Variants in KCTD19 observed in about 807,000 individuals in gnomAD.
The protein encoded by KCTD19 is BTB/POZ domain-containing protein KCTD19.
KCTD19 carries 67 observed loss-of-function variants against 103.5 expected under a neutral mutation model. That is an observed-to-expected ratio of 0.65 (90% CI 0.53 to 0.79). The LOEUF is 0.79. KCTD19 is among the 30% of genes least tolerant of loss of function. The probability of loss-of-function intolerance (pLI) is 0.00; values close to 1 mark genes in which losing one functional copy is unlikely to be tolerated. For synonymous variants in KCTD19, 439 were observed against 452.2 expected (o/e 0.97, Z 0.37); for missense variants, 980 against 1,136.1 (o/e 0.86, Z 1.98).
chr16:67,299,632 G>T, intron 5 of KCTD19, 59 bp from the exon 6 acceptor site: 1 of 1,473,186 alleles, frequency 6.8e-7, no homozygotes, highest in Non-Finnish European at 9.3e-7. Flanking sequence ...TGGATTGGAG[G>T]CTTTGGGGCT....
At chr16:67,321,109 T>C (rs757778574) in intron 1 of KCTD19, among the ~76,000 whole-genome samples, 43 of 152,176 alleles carry the variant, frequency 2.8e-4, no homozygotes, top group Admixed American at 1.4e-3. Context: ...GAAGGTGGCT[T>C]GAGACCAGGA....
Position 67,320,764 on chromosome 16 carries a change from T to G in KCTD19, c.125A>C (p.Glu42Ala). ...SQFPDSLLWK[E>A]ASALTSSESQ... ...TTCTGAAGAGGTCAAGGCTGAAGCC[T>G]CTTTCCACAGCAGGGAGTCTGGAAA... The change falls in exon 2 of 16, where the codon GAG becomes GCG. Residue 42 changes from glutamate to alanine, a missense_variant. By Grantham distance (107) the Glu-to-Ala change is moderately radical. Coordinates refer to ENST00000304372, the MANE Select transcript of KCTD19 (RefSeq NM_001100915.3). The surrounding 1 kb of genome is among the most constrained non-coding windows in gnomAD (Gnocchi z 4.0). 1 of 1,614,192 alleles carries G rather than the reference T, an allele frequency of 6.2e-7. No individual in the cohort carries two copies. The highest frequency in any genetic ancestry group is 8.5e-7 in the Non-Finnish European group (1 of 1,180,026).
chr16:67,309,058 G>C (rs1332761988), intron 2 of KCTD19, among the ~76,000 whole-genome samples: 1 of 150,908 alleles, frequency 6.6e-6, no homozygotes, highest in Non-Finnish European at 1.5e-5. Flanking sequence ...GAACCCAGGA[G>C]GCAGAGGTTT....
intron 2 of KCTD19, among the ~76,000 whole-genome samples, chr16:67,308,125 T>TCCTC (rs1327212324): frequency 1.3e-5 from 2 of 151,414 alleles, no homozygotes; most frequent in Non-Finnish European, 1.5e-5. Flanking sequence ...CTTCCTTCCT[T>TCCTC]CCTCCCTCCC....
At chr16:67,316,904 C>A (rs2037018992) in intron 2 of KCTD19, among the ~76,000 whole-genome samples, 1 of 152,130 alleles carries the variant, frequency 6.6e-6, no homozygotes, top group Non-Finnish European at 1.5e-5. Context: ...CAGCGTGAGC[C>A]TGGGTGCCTG....
At chr16:67,301,715 G>A in intron 5 of KCTD19, 76 bp downstream of exon 5, 1 of 1,387,486 alleles carries the variant, frequency 7.2e-7, no homozygotes, top group Non-Finnish European at 1.0e-6. Context: ...GTGATTGTGG[G>A]AGGGAAGATT....
rs1362288152 is a variant in KCTD19, at chr16:67,299,271, C to T, written c.986+92G>A. 1.7e-5 allele frequency: 20 copies of T among 1,197,744 alleles called. No individual in the cohort carries two copies. The Admixed American group carries it at 1.9e-4, about 12-fold the overall frequency. 74.2% of individuals were successfully genotyped at this position (1,197,744 alleles called of 1,614,324 possible). The stretch of plus-strand genomic sequence containing the variant: ...GGCTGGCCCCAAGGACACACTTCAC[C>T]TCTGGCTAGTGGGAAAGGCCCCAGG... On this transcript the variant is annotated intron_variant, in intron 6 of 15. Transcript: ENST00000304372.
In KCTD19 at chr16:67,293,865, G is replaced by T; in HGVS notation, c.1897C>A (p.Gln633Lys). 1.9e-6 allele frequency: 3 copies of T among 1,613,994 alleles called. No homozygotes were observed. Among genetic ancestry groups the T allele is most frequent in the Non-Finnish European group, 2.5e-6 (3 of 1,180,030 alleles). ...TCTCTCACCAGGGAGATGAGTTTTT[G>T]CATGGGAGTGGCGGGAGGGTCTTTG... ...ETKDPPATPM[Q>K]KLISLVREWD... Residue 633 changes from glutamine to lysine, a missense_variant, in exon 12 of 16, where the codon CAA becomes AAA. Transcript: ENST00000304372. This position sits in a 1 kb window ranked among gnomAD's most constrained non-coding sequence, Gnocchi z 4.0.
chr16:67,292,991 T>G (rs1047491293), intron 12 of KCTD19, among the ~76,000 whole-genome samples: 3 of 152,132 alleles, frequency 2.0e-5, no homozygotes, highest in Non-Finnish European at 2.9e-5. Context: ...GAACTCCAAG[T>G]GGCTTCGAAT....
intron 2 of KCTD19, among the ~76,000 whole-genome samples, chr16:67,307,578 A>T (rs140414562): frequency 0.015 from 2,356 of 152,150 alleles, 67 homozygotes; most frequent in African/African-American, 0.054. Context: ...AGCCTCCCAA[A>T]GTACTGGGAT....
rs73592849 is a variant in KCTD19, at chr16:67,297,719, C to G, written c.987-56G>C. On this transcript the variant is annotated intron_variant, in intron 6 of 15. Coordinates refer to ENST00000304372, the MANE Select transcript of KCTD19 (RefSeq NM_001100915.3). ...CATCAGCATTGTACCCCAAGAGAGT[C>G]GAGCCTGTAAACTTTCCATGCCTAG... 1.3e-5 allele frequency: 20 copies of G among 1,553,990 alleles called. No individual in the cohort carries two copies. The East Asian group carries it at 1.4e-4, about 11-fold the overall frequency.
At position 67,303,108 on chromosome 16, in the gene KCTD19, C is replaced by CGGGGGGGGGGGGGGG; in HGVS notation, c.643+37_643+38insCCCCCCCCCCCCCCC. ...ATGGGGAGGGGTGAATGGGCCCTATCAGCCCGCCCCCCACCCCACCCCGGA... is the reference window on the plus strand; with the variant it reads ...ATGGGGAGGGGTGAATGGGCCCTATCGGGGGGGGGGGGGGGAGCCCGCCCCCCACCCCACCCCGGA... On this transcript the variant is annotated intron_variant, in intron 4 of 15. Coordinates refer to ENST00000304372, the MANE Select transcript of KCTD19 (RefSeq NM_001100915.3). The surrounding 1 kb of genome is among the most constrained non-coding windows in gnomAD (Gnocchi z 4.3). 1.3e-6 allele frequency: 1 copy of CGGGGGGGGGGGGGGG among 798,078 alleles called. No individual in the cohort carries two copies. The allele number at this position is 798,078 out of a possible 1,614,324, so 49.4% of individuals were successfully genotyped here. A position where few individuals can be genotyped will look rare whatever the true frequency, so the allele number is the denominator to read the frequency against.
At chr16:67,292,112 G>A (rs775871276) in intron 12 of KCTD19, among the ~76,000 whole-genome samples, 17 of 152,182 alleles carry the variant, frequency 1.1e-4, no homozygotes, top group Non-Finnish European at 1.9e-4. Context: ...TGATCCACCC[G>A]CCTCAGCCTC....
rs1232210219 is a variant in KCTD19 at position 67,291,895 on chromosome 16, TAG to T, written c.2219-60_2219-59del. On this transcript the variant is annotated intron_variant, in intron 12 of 15. Transcript: ENST00000304372. ...TTTAAAAAAAAATTTTTTTTCAAGATAGAGTTTTGCTTTTGTTGCCCAGGCTG... is the reference window on the plus strand; with the variant it reads ...TTTAAAAAAAAATTTTTTTTCAAGATAGTTTTGCTTTTGTTGCCCAGGCTG... 16 of 1,278,828 alleles carry T rather than the reference TAG, an allele frequency of 1.3e-5. No homozygotes were observed. The East Asian group carries it at 4.1e-4, about 33-fold the overall frequency. The allele number at this position is 1,278,828 out of a possible 1,614,324, so 79.2% of individuals were successfully genotyped here.
chr16:67,317,062 T>C (rs1487800236), intron 2 of KCTD19, among the ~76,000 whole-genome samples: 1 of 152,146 alleles, frequency 6.6e-6, no homozygotes, highest in Non-Finnish European at 1.5e-5. Context: ...AAGTCACATT[T>C]TTATTGTTAG....
intron 3 of KCTD19, 151 bp downstream of exon 3, chr16:67,304,270 G>C: frequency 1.4e-6 from 1 of 740,374 alleles, no homozygotes; most frequent in Non-Finnish European, 2.3e-6. Context: ...CATGGAGAGG[G>C]CCTGTGGCAG....
At chr16:67,315,297 G>A (rs2036998654) in intron 2 of KCTD19, among the ~76,000 whole-genome samples, 2 of 150,206 alleles carry the variant, frequency 1.3e-5, no homozygotes, top group African/African-American at 2.5e-5. Context: ...GGGTATTAGC[G>A]TTTAACTATT....
chr16:67,324,334 A>G (rs2037106975), intron 1 of KCTD19, among the ~76,000 whole-genome samples: 1 of 152,234 alleles, frequency 6.6e-6, no homozygotes, highest in Non-Finnish European at 1.5e-5. Context: ...TAGTATATAG[A>G]ATTTTACCTA....
At position 67,291,290 on chromosome 16, in the gene KCTD19, T is replaced by C. The variant is rs1232648448; in HGVS notation, c.2565+19A>G. 1 of 1,609,796 alleles carries C rather than the reference T, an allele frequency of 6.2e-7. No individual in the cohort carries two copies. The highest frequency in any genetic ancestry group is 2.2e-5 in the East Asian group (1 of 44,882). ...AGAAGGTACAGGGTGCCCCAGGGCC[T>C]GAGGCCTGTCACACATACCCACAGC... On this transcript the variant is annotated intron_variant, in intron 14 of 15. Transcript: ENST00000304372.
Sources: gnomAD v4.1 joint callset for allele counts (sites outside exome capture counted in the v4.1 genomes callset) on GRCh38, gnomAD v4.1.1 for gene constraint, Gnocchi (gnomAD v3.1) non-coding constraint, MANE v1.5 for transcripts, NCBI Gene and HGNC (gene_info 2026-07-23, HGNC 2026-07-21) for gene names.